TNS1: variants seen among roughly 807,000 people sequenced by gnomAD.
TNS1 encodes tensin 1.
Under a neutral mutation model 168.6 loss-of-function variants are expected in TNS1, and 62 were observed. That is an observed-to-expected ratio of 0.37 (90% CI 0.30 to 0.45). The LOEUF (loss-of-function observed/expected upper bound fraction) is 0.45. TNS1 is among the 20% of genes least tolerant of loss of function. TNS1 has a pLI of 1.00. For synonymous variants in TNS1, 934 were observed against 933.2 expected (o/e 1.00, Z -0.02); for missense variants, 2,240 against 2,339.4 (o/e 0.96, Z 0.88).
chr2:217,847,774 C>G lies in TNS1; in HGVS notation c.2743G>C (p.Gly915Arg), dbSNP rs1003199061. The G allele has an allele frequency of 1.2e-6, 2 of 1,607,720 alleles. No homozygotes were observed. Among genetic ancestry groups the G allele is most frequent in the Admixed American group, 3.3e-5 (2 of 59,898 alleles). ...TAGTCATAAGGTGAGTAAGACCTGC[C>G]AGGAGGGACAGACTCCAGAGAGGCC... ...PRASLESVPPGRSYSPYDYQP... is the reference protein window; with the variant it reads ...PRASLESVPPRRSYSPYDYQP... The change falls in exon 19 of 33, where the codon GGC becomes CGC. Residue 915 changes from glycine (G) to arginine (R), a missense_variant. Gly to Arg is a moderately radical substitution (Grantham distance 125). Coordinates refer to ENST00000682258, the MANE Select transcript of TNS1 (RefSeq NM_001387777.1).
intron 3 of TNS1, among the ~76,000 whole-genome samples, chr2:217,975,287 A>C (rs928821950): frequency 6.6e-6 from 1 of 152,164 alleles, no homozygotes; most frequent in Non-Finnish European, 1.5e-5. Flanking sequence ...ACCCCTAGCC[A>C]GAACCAGTCA....
chr2:217,912,428 G>A (rs1363178913), intron 4 of TNS1, among the ~76,000 whole-genome samples: 5 of 145,932 alleles, frequency 3.4e-5, no homozygotes, highest in African/African-American at 1.3e-4. Context: ...CCCCCTGGGA[G>A]GCCTGGAATC....
rs1941379086 is a variant in TNS1, at chr2:217,813,687, T to A, written c.4859A>T (p.Lys1620Ile). The A allele has an allele frequency of 6.2e-7, 1 of 1,608,332 alleles. No individual in the cohort carries two copies. ...CCCATTCTGGGAGATGAGGTTACCT[T>A]TTTTATTCTGCTGCATGATGGTTGG... ...PPPTIMQQNKKGDMTHELVRH... is the reference protein window; with the variant it reads ...PPPTIMQQNKIGDMTHELVRH... Residue 1620 changes from lysine to isoleucine, a missense_variant and splice_region_variant, in exon 26 of 33, where the codon AAA becomes ATA. Physicochemically the swap from Lys to Ile is moderately radical, Grantham distance 102 (BLOSUM62 -3). Around this residue, in one of 2 missense-constraint regions of TNS1, gnomAD observed 2,131 missense variants for 2,171.2 expected, o/e 0.98. Coordinates refer to ENST00000682258, the MANE Select transcript of TNS1 (RefSeq NM_001387777.1). This position sits in a 1 kb window ranked among gnomAD's most constrained non-coding sequence, Gnocchi z 4.0.
chr2:217,892,881 G>T, intron 11 of TNS1, 67 bp downstream of exon 11: 2 of 1,530,930 alleles, frequency 1.3e-6, no homozygotes, highest in Non-Finnish European at 1.8e-6. Flanking sequence ...AGAGGCTGTG[G>T]GTGGATGAGA....
intron 3 of TNS1, among the ~76,000 whole-genome samples, chr2:217,952,275 G>A (rs1159271217): frequency 6.6e-6 from 1 of 152,182 alleles, no homozygotes; most frequent in African/African-American, 2.4e-5. Flanking sequence ...ACCCTACTTT[G>A]TACAGTTGAG....
At chr2:217,834,694 T>A (rs942706899) in intron 21 of TNS1, among the ~76,000 whole-genome samples, 4 of 152,104 alleles carry the variant, frequency 2.6e-5, no homozygotes, top group African/African-American at 9.7e-5. Context: ...GGAAGAGGTG[T>A]CTGGATGCAG....
chr2:217,843,531 T>G (rs2125392663), intron 19 of TNS1, among the ~76,000 whole-genome samples: 1 of 152,250 alleles, frequency 6.6e-6, no homozygotes, highest in Non-Finnish European at 1.5e-5. Context: ...CCTTCTCCAC[T>G]CATCCTCAAT....
At chr2:218,009,491 A>C (rs960393480) in intron 1 of TNS1, among the ~76,000 whole-genome samples, 4 of 151,988 alleles carry the variant, frequency 2.6e-5, no homozygotes, top group African/African-American at 9.7e-5. Context: ...ACAGCACTGC[A>C]GGTTCCCCAG....
chr2:218,025,203 G>A (rs1008436619), intron 1 of TNS1, among the ~76,000 whole-genome samples: 24 of 152,240 alleles, frequency 1.6e-4, no homozygotes, highest in African/African-American at 5.5e-4. Context: ...CAGACCTTCT[G>A]CTGCAGGAAG....
At chr2:218,031,851 C>T (rs188549529) in intron 1 of TNS1, among the ~76,000 whole-genome samples, 6 of 152,306 alleles carry the variant, frequency 3.9e-5, no homozygotes, top group Admixed American at 2.6e-4. Flanking sequence ...AGTAGTTCTC[C>T]GGGCTGAAAG....
chr2:217,941,868 CA>C (rs924842913), intron 3 of TNS1, among the ~76,000 whole-genome samples: 1 of 152,186 alleles, frequency 6.6e-6, no homozygotes, highest in Non-Finnish European at 1.5e-5. Flanking sequence ...TTAGACCAAA[CA>C]AAAGTTCTTT....
chr2:217,974,399 A>G (rs10192451), intron 3 of TNS1, among the ~76,000 whole-genome samples: 13,429 of 152,192 alleles, frequency 0.088, 1,803 homozygotes, highest in African/African-American at 0.29. Flanking sequence ...CCATCCCCTC[A>G]GCCTCTCCCC....
chr2:217,961,463 C>T (rs997148877), intron 3 of TNS1, among the ~76,000 whole-genome samples: 6 of 152,068 alleles, frequency 3.9e-5, no homozygotes, highest in Non-Finnish European at 7.4e-5. Flanking sequence ...AGGTCCAAGT[C>T]CTGAAAGTAC....
chr2:217,810,038 G>A (rs766537506), intron 29 of TNS1, 47 bp from the exon 30 acceptor site: 2 of 1,591,086 alleles, frequency 1.3e-6, no homozygotes, highest in East Asian at 2.2e-5. Context: ...TGGCGTGGGT[G>A]AGGACATTAA....
chr2:217,898,499 G>A (rs898151332), intron 7 of TNS1, among the ~76,000 whole-genome samples: 8 of 152,216 alleles, frequency 5.3e-5, no homozygotes, highest in Admixed American at 4.6e-4. Context: ...CAGGGGAGGG[G>A]GCATCTCAGG....
chr2:217,880,958 G>A lies in TNS1; in HGVS notation c.1369C>T (p.Pro457Ser). 6.8e-6 allele frequency: 11 copies of A among 1,614,044 alleles called. No homozygotes were observed. The highest frequency in any genetic ancestry group is 9.3e-6 in the Non-Finnish European group (11 of 1,180,016). Residue 457 changes from proline (P) to serine (S), a missense_variant, in exon 18 of 33, where the codon CCC becomes TCC. By Grantham distance (74) the Pro-to-Ser change is moderately conservative (BLOSUM62 -1). Coordinates refer to ENST00000682258, the MANE Select transcript of TNS1 (RefSeq NM_001387777.1). The surrounding 1 kb of genome is among the most constrained non-coding windows in gnomAD (Gnocchi z 4.2). ...TCGTAGGAGTCCCAGCGGATGAGGG[G>A]GTCGGAGGTGTTATAGTCCACAGAC... ...SVSVDYNTSD[P>S]LIRWDSYDNF...
chr2:217,878,881 G>A (rs1280288430), intron 18 of TNS1, among the ~76,000 whole-genome samples: 1 of 152,192 alleles, frequency 6.6e-6, no homozygotes, highest in Non-Finnish European at 1.5e-5. Context: ...ACAGAGGGTT[G>A]GTGAGGGAAG....
intron 22 of TNS1, among the ~76,000 whole-genome samples, chr2:217,828,439 C>T (rs911069085): frequency 6.6e-6 from 1 of 152,214 alleles, no homozygotes; most frequent in African/African-American, 2.4e-5. Context: ...ACCAGCCAAT[C>T]GGCCCAGGGC....
intron 18 of TNS1, among the ~76,000 whole-genome samples, chr2:217,856,501 C>T (rs769023663): frequency 4.6e-5 from 7 of 152,228 alleles, no homozygotes; most frequent in Non-Finnish European, 1.0e-4. Context: ...GGAACTTTCT[C>T]AAGGGGAATG....
Sources: gnomAD v4.1 joint callset for allele counts (sites outside exome capture counted in the v4.1 genomes callset) on GRCh38, gnomAD v4.1.1 for gene constraint, gnomAD v4.1.1 regional missense constraint, Gnocchi (gnomAD v3.1) non-coding constraint, MANE v1.5 for transcripts, NCBI Gene and HGNC (gene_info 2026-07-23, HGNC 2026-07-21) for gene names.